The following HHAT variants were observed in gnomAD, a reference collection of about 807,000 sequenced individuals.
HHAT encodes protein-cysteine N-palmitoyltransferase HHAT.
A neutral mutation model predicts 70.8 loss-of-function variants in HHAT; 47 were observed. The ratio of observed to expected loss-of-function variants is 0.66; its 90% confidence interval spans 0.53 to 0.85. The LOEUF (loss-of-function observed/expected upper bound fraction) is 0.85, where lower values mean the gene tolerates loss of function less well. Among genes scored for constraint, HHAT ranks in the 40% least tolerant of loss-of-function variants. The probability of loss-of-function intolerance (pLI) is 0.00; values close to 1 mark genes in which losing one functional copy is unlikely to be tolerated. For missense variants in HHAT, 609 were observed against 604.8 expected, an observed-to-expected ratio of 1.01 and a Z score of -0.07; for synonymous variants, 228 against 247.6, an observed-to-expected ratio of 0.92 and a Z score of 0.74.
At chr1:210,503,046 A>G (rs1276082051) in intron 8 of HHAT, among the ~76,000 whole-genome samples, 2 of 151,758 alleles carry the variant, frequency 1.3e-5, no homozygotes, top group African/African-American at 4.8e-5. Flanking sequence ...GCCCACTGCA[A>G]CCTCCTGGGT....
intron 5 of HHAT, among the ~76,000 whole-genome samples, chr1:210,403,482 A>G (rs920483085): frequency 1.3e-5 from 2 of 152,206 alleles, no homozygotes; most frequent in African/African-American, 4.8e-5. Context: ...AGATCATGTG[A>G]TTAGAAACTA....
chr1:210,419,206 A>AT (rs1175397411), intron 7 of HHAT, among the ~76,000 whole-genome samples: 2 of 152,162 alleles, frequency 1.3e-5, no homozygotes, highest in Non-Finnish European at 2.9e-5. Flanking sequence ...AGCGCTGCAC[A>AT]TTGAGGGTGT....
At chr1:210,450,297 G>GGC (rs1057251244) in intron 7 of HHAT, among the ~76,000 whole-genome samples, 1 of 151,076 alleles carries the variant, frequency 6.6e-6, no homozygotes, top group South Asian at 2.1e-4. Flanking sequence ...TCTCAGGTGG[G>GGC]GGGGGTGGGA....
intron 7 of HHAT, among the ~76,000 whole-genome samples, chr1:210,463,894 G>T (rs2094036031): frequency 6.6e-6 from 1 of 152,140 alleles, no homozygotes; most frequent in Non-Finnish European, 1.5e-5. Flanking sequence ...GTTAAATTTT[G>T]TGGGTGCATA....
intron 8 of HHAT, among the ~76,000 whole-genome samples, chr1:210,476,983 T>C (rs1180387866): frequency 6.6e-6 from 1 of 152,216 alleles, no homozygotes; most frequent in Non-Finnish European, 1.5e-5. Flanking sequence ...ATGATGGCCA[T>C]GAGTAACTGT....
upstream of HHAT, chr1:210,328,793 G>A (rs935999323): frequency 8.2e-6 from 3 of 363,850 alleles, no homozygotes; most frequent in South Asian, 1.5e-4. Flanking sequence ...GGGCAAACGC[G>A]GTTCAGAAAC....
chr1:210,408,084 G>C (rs192139827), intron 6 of HHAT, among the ~76,000 whole-genome samples: 1 of 152,124 alleles, frequency 6.6e-6, no homozygotes, highest in Admixed American at 6.5e-5. Context: ...TCAGTGAAAT[G>C]GGAAGAATAA....
At chr1:210,572,992 G>A (rs1471378061) in intron 9 of HHAT, among the ~76,000 whole-genome samples, 1 of 152,180 alleles carries the variant, frequency 6.6e-6, no homozygotes, top group Admixed American at 6.5e-5. Context: ...TAGGGAAAAT[G>A]GGGAACTCAA....
At chr1:210,343,859 C>T (rs1031305845) in intron 1 of HHAT, among the ~76,000 whole-genome samples, 1 of 152,192 alleles carries the variant, frequency 6.6e-6, no homozygotes, top group Non-Finnish European at 1.5e-5. Flanking sequence ...AAATCAGGGT[C>T]AGGGCTTAGG....
At chr1:210,447,426 C>G (rs982654099) in intron 7 of HHAT, among the ~76,000 whole-genome samples, 4 of 152,104 alleles carry the variant, frequency 2.6e-5, no homozygotes, top group Non-Finnish European at 5.9e-5. Context: ...GGATTAGAAA[C>G]ATGTATTTTG....
intron 7 of HHAT, among the ~76,000 whole-genome samples, chr1:210,427,608 T>C (rs1362452501): frequency 2.0e-5 from 3 of 152,154 alleles, no homozygotes; most frequent in Admixed American, 2.0e-4. Context: ...TGTAATTATA[T>C]GGTTTTGAGT....
chr1:210,452,380 C>T (rs537979626), intron 7 of HHAT, among the ~76,000 whole-genome samples: 1 of 152,242 alleles, frequency 6.6e-6, no homozygotes, highest in East Asian at 1.9e-4. Flanking sequence ...TCAGTGCCTC[C>T]CCTTTTAGAA....
At chr1:210,374,085 ATGAATCACTTAAGCCTAAAGT>A (rs1321891967) in intron 3 of HHAT, 1 of 152,206 alleles carries the variant, frequency 6.6e-6, no homozygotes, top group Non-Finnish European at 1.5e-5. Context: ...AACAGTGACA[ATGAATCACTTAAGCCTAAAGT>A]TGCACCATAA....
intron 8 of HHAT, among the ~76,000 whole-genome samples, chr1:210,486,277 G>A (rs2094471586): frequency 6.6e-6 from 1 of 152,088 alleles, no homozygotes; most frequent in Non-Finnish European, 1.5e-5. Context: ...TCACAAAAAG[G>A]AAATGAATTT....
chr1:210,372,044 C>T (rs1229153599), intron 3 of HHAT, among the ~76,000 whole-genome samples: 3 of 152,158 alleles, frequency 2.0e-5, no homozygotes, highest in Non-Finnish European at 2.9e-5. Context: ...TTTCTCTACT[C>T]AACAAGTTTA....
At chr1:210,544,341 G>GT (rs2095460708) in intron 9 of HHAT, among the ~76,000 whole-genome samples, 1 of 96,894 alleles carries the variant, frequency 1.0e-5, no homozygotes, top group South Asian at 3.5e-4. Context: ...AGGGTGTTTT[G>GT]TTTTTTTCTT....
At chr1:210,548,887 G>A (rs2095505544) in intron 9 of HHAT, among the ~76,000 whole-genome samples, 1 of 152,206 alleles carries the variant, frequency 6.6e-6, no homozygotes, top group African/African-American at 2.4e-5. Context: ...TCCAATTGCT[G>A]TTACCTAATG....
chr1:210,575,987 C>T (rs1324794968), intron 9 of HHAT, among the ~76,000 whole-genome samples: 1 of 152,084 alleles, frequency 6.6e-6, no homozygotes, highest in Non-Finnish European at 1.5e-5. Context: ...CTGACTTACC[C>T]TGACACACCC....
intron 7 of HHAT, among the ~76,000 whole-genome samples, chr1:210,442,775 C>G (rs889772889): frequency 6.6e-6 from 1 of 152,088 alleles, no homozygotes; most frequent in African/African-American, 2.4e-5. Flanking sequence ...GAGTAGGTTG[C>G]GAAAATTTTC....
Sources: gnomAD v4.1 joint callset for allele counts (sites outside exome capture counted in the v4.1 genomes callset) on GRCh38, gnomAD v4.1.1 for gene constraint, MANE v1.5 for transcripts, NCBI Gene and HGNC (gene_info 2026-07-23, HGNC 2026-07-21) for gene names.